Variants in JCAD observed in about 807,000 individuals in gnomAD.
JCAD encodes junctional cadherin 5-associated protein.
In JCAD, 40 loss-of-function variants were observed where a neutral mutation model predicts 98.0. The ratio of observed to expected loss-of-function variants is 0.41; its 90% CI spans 0.32 to 0.53. The LOEUF (loss-of-function observed/expected upper bound fraction) is 0.53. Among genes scored for constraint, JCAD ranks in the 20% least tolerant of loss-of-function variants. JCAD has a pLI of 0.31. For synonymous variants in JCAD, 691 were observed against 682.3 expected (o/e 1.01, Z -0.20); for missense variants, 1,705 against 1,738.1 (o/e 0.98, Z 0.34).
In JCAD at chr10:30,027,536, C is replaced by G. The variant is rs778651668; in HGVS notation, c.2612G>C (p.Arg871Pro). 8.1e-6 allele frequency: 13 copies of G among 1,613,048 alleles called. No homozygotes were observed. In the South Asian group the frequency reaches 1.4e-4, roughly 18 times the overall value. The change falls in exon 3 of 4, where the codon CGT (arginine) becomes CCT (proline). Residue 871 changes from arginine (R) to proline (P), a missense_variant. Coordinates refer to ENST00000375377, the MANE Select transcript of JCAD (RefSeq NM_020848.4). Reference sequence around the variant, plus strand: ...CACATCCTCCTGTCTGCAGTGAGCACGGTTCTCCTGCTGCGGCTCCGCCTC... The same window carrying G: ...CACATCCTCCTGTCTGCAGTGAGCAGGGTTCTCCTGCTGCGGCTCCGCCTC... The part of the protein sequence containing the change: ...ESEAEPQQEN[R>P]AHCRQEDVGF...
At chr10:30,100,990 T>C (rs946881617) in intron 1 of JCAD, among the ~76,000 whole-genome samples, 3 of 152,196 alleles carry the variant, frequency 2.0e-5, no homozygotes, top group Non-Finnish European at 2.9e-5. Context: ...AGAGTTATTA[T>C]CAATAAAAAG....
chr10:30,057,354 A>T (rs1837593651), intron 1 of JCAD, among the ~76,000 whole-genome samples: 1 of 152,194 alleles, frequency 6.6e-6, no homozygotes, highest in African/African-American at 2.4e-5. Context: ...TAAAAATTAG[A>T]CTACAAGAAT....
upstream of JCAD, among the ~76,000 whole-genome samples, chr10:30,064,365 C>T (rs539904898): frequency 3.3e-5 from 5 of 152,056 alleles, no homozygotes; most frequent in African/African-American, 7.2e-5. Flanking sequence ...CTGATGCAGC[C>T]GCTTGACCTT....
Position 30,047,702 on chromosome 10 carries a change from T to G in JCAD, c.111A>C (p.Thr37=), listed in dbSNP as rs753812608. ...PKGRQAARTG[T]RAGQGLQNGH... ...CGTTCTGCAGGCCCTGGCCTGCTCGTGTCCCAGTCCTCGCTGCCTGGCGCC... is the reference window on the plus strand; with the variant it reads ...CGTTCTGCAGGCCCTGGCCTGCTCGGGTCCCAGTCCTCGCTGCCTGGCGCC... Residue 37 remains threonine, a synonymous_variant, in exon 2 of 4, where the codon ACA becomes ACC. Coordinates refer to ENST00000375377, the MANE Select transcript of JCAD (RefSeq NM_020848.4). 6.2e-7 allele frequency: 1 copy of G among 1,614,240 alleles called. No individual in the cohort carries two copies. The highest frequency in any genetic ancestry group is 1.1e-5 in the South Asian group (1 of 91,086).
chr10:30,025,240 G>A (rs1236976519), intron 3 of JCAD, among the ~76,000 whole-genome samples: 2 of 151,996 alleles, frequency 1.3e-5, no homozygotes, highest in Non-Finnish European at 2.9e-5. Flanking sequence ...GGACTGGGCC[G>A]GGCTCAGTGG....
intron 1 of JCAD, among the ~76,000 whole-genome samples, chr10:30,110,401 T>G (rs954387022): frequency 1.3e-5 from 2 of 152,028 alleles, no homozygotes; most frequent in African/African-American, 4.8e-5. Context: ...GTGGACCAGC[T>G]GGTGTATGGA....
intron 1 of JCAD, among the ~76,000 whole-genome samples, chr10:30,099,462 ATAAAT>A (rs1471220510): frequency 2.0e-5 from 3 of 152,154 alleles, no homozygotes; most frequent in Admixed American, 6.5e-5. Context: ...ATTTCTTGAT[ATAAAT>A]AACTCTCCTC....
Position 30,026,129 on chromosome 10 carries a change from C to T in JCAD, c.4019G>A (p.Ser1340Asn), listed in dbSNP as rs756273690. Residue 1340 changes from serine to asparagine, a missense_variant, in exon 3 of 4, where the codon AGC becomes AAC. This residue lies in a region of JCAD where 1,278 missense variants were observed against 1,243.1 expected (regional missense o/e 1.03). Coordinates refer to ENST00000375377, the MANE Select transcript of JCAD (RefSeq NM_020848.4). ...KEHPAAQKEK[S>N]MDQDFWCPDS... ...TGGGCACCAGAAGTCTTGATCCATGCTCTTCTCCTTTTGTGCTGCCGGATG... is the reference window on the plus strand; with the variant it reads ...TGGGCACCAGAAGTCTTGATCCATGTTCTTCTCCTTTTGTGCTGCCGGATG... 1.9e-6 allele frequency: 3 copies of T among 1,614,210 alleles called. No homozygotes were observed. The highest frequency in any genetic ancestry group is 1.7e-5 in the Admixed American group (1 of 60,034).
At chr10:30,087,127 G>A (rs915327489) in intron 1 of JCAD, among the ~76,000 whole-genome samples, 1 of 152,138 alleles carries the variant, frequency 6.6e-6, no homozygotes, top group Non-Finnish European at 1.5e-5. Flanking sequence ...AGGCAAAGAG[G>A]CTAAGTGGCA....
intron 1 of JCAD, among the ~76,000 whole-genome samples, chr10:30,102,156 A>G (rs896530708): frequency 3.9e-5 from 6 of 152,094 alleles, no homozygotes; most frequent in Admixed American, 3.9e-4. Context: ...GTAAGATCTT[A>G]ACATACCTTC....
intron 2 of JCAD, among the ~76,000 whole-genome samples, chr10:30,039,559 T>C (rs1460743878): frequency 1.3e-5 from 2 of 152,174 alleles, no homozygotes; most frequent in African/African-American, 2.4e-5. Context: ...AAGGTATAGA[T>C]GGAGAAAAAT....
At chr10:30,036,781 C>T (rs1169838544) in intron 2 of JCAD, among the ~76,000 whole-genome samples, 1 of 152,238 alleles carries the variant, frequency 6.6e-6, no homozygotes, top group Admixed American at 6.5e-5. Flanking sequence ...AGCCATGCTT[C>T]GCTGTGGTCA....
chr10:30,082,393 A>G (rs1429518374), intron 1 of JCAD, among the ~76,000 whole-genome samples: 1 of 152,198 alleles, frequency 6.6e-6, no homozygotes, highest in East Asian at 1.9e-4. Flanking sequence ...CTCTAAGCAA[A>G]CAACACAAAA....
chr10:30,107,097 G>T (rs1265637752), intron 1 of JCAD, among the ~76,000 whole-genome samples: 1 of 152,240 alleles, frequency 6.6e-6, no homozygotes, highest in Admixed American at 6.5e-5. Flanking sequence ...GTTTTCAGTG[G>T]GCTTACACAA....
chr10:30,075,989 T>C lies in JCAD; in HGVS notation n.129-6168A>G, dbSNP rs117319358. Among the ~76,000 whole-genome samples, 862 of 152,266 alleles carry C rather than the reference T, an allele frequency of 5.7e-3. 5 individuals carry two copies. The highest frequency in any genetic ancestry group is 0.01 in the Middle Eastern group (3 of 294). ...AGCCTGATGCTTCCTGAGGCATATG[T>C]GGTTTTACTTCCAATTTGTAAATAT... On this transcript the variant is annotated intron_variant and non_coding_transcript_variant, in intron 1 of 2. Transcript: ENST00000465712.
chr10:30,061,706 T>G (rs1837703676), upstream of JCAD, among the ~76,000 whole-genome samples: 1 of 151,140 alleles, frequency 6.6e-6, no homozygotes, highest in Admixed American at 6.6e-5. Context: ...CGACAAAATT[T>G]AAAAGATAGA....
At position 30,026,798 on chromosome 10, in the gene JCAD, C is replaced by T. The variant is rs757187016; in HGVS notation, c.3350G>A (p.Ser1117Asn). 1 of 1,614,116 alleles carries T rather than the reference C, an allele frequency of 6.2e-7. No individual in the cohort carries two copies. The highest frequency in any genetic ancestry group is 8.5e-7 in the Non-Finnish European group (1 of 1,180,048). ...GQNQPAEPDASACTPESPQEE... is the reference protein window; with the variant it reads ...GQNQPAEPDANACTPESPQEE... ...CTGGGGGGACTCTGGGGTGCAGGCA[C>T]TTGCATCGGGCTCAGCAGGCTGGTT... Residue 1117 changes from serine to asparagine, a missense_variant, in exon 3 of 4, where the codon AGT (serine) becomes AAT (asparagine). Physicochemically the swap from Ser to Asn is conservative, Grantham distance 46. Coordinates refer to ENST00000375377, the MANE Select transcript of JCAD (RefSeq NM_020848.4).
chr10:30,070,421 C>T (rs576444659), intron 1 of JCAD, among the ~76,000 whole-genome samples: 2 of 152,326 alleles, frequency 1.3e-5, no homozygotes, highest in East Asian at 3.9e-4. Context: ...TCTATCCTTG[C>T]GTGGGTACCC....
In JCAD at chr10:30,047,589, G is replaced by A; in HGVS notation, c.224C>T (p.Thr75Ile). The stretch of plus-strand genomic sequence containing the variant: ...CTGGGGCTCCCCGTGGCCTCTCGGT[G>A]TGCTGCGGCGGCTTTCGGAGTCACT... ...HVSDSESRRS[T>I]PRGHGEPQST... The change falls in exon 2 of 4, where the codon ACA becomes ATA. Residue 75 changes from threonine to isoleucine, a missense_variant. Physicochemically the swap from Thr to Ile is moderately conservative, Grantham distance 89. Transcript: ENST00000375377. 6.2e-7 allele frequency: 1 copy of A among 1,614,142 alleles called. No individual in the cohort carries two copies. The highest frequency in any genetic ancestry group is 1.7e-4 in the Middle Eastern group (1 of 6,056).
Sources: gnomAD v4.1 joint callset for allele counts (sites outside exome capture counted in the v4.1 genomes callset) on GRCh38, gnomAD v4.1.1 for gene constraint, gnomAD v4.1.1 regional missense constraint, MANE v1.5 for transcripts, NCBI Gene and HGNC (gene_info 2026-07-23, HGNC 2026-07-21) for gene names.